Variants in MBOAT2 observed in about 807,000 individuals in gnomAD.
MBOAT2 encodes the protein membrane bound glycerophospholipid O-acyltransferase 2, also known as membrane-bound glycerophospholipid O-acyltransferase 2.
Under a neutral mutation model 63.4 loss-of-function variants are expected in MBOAT2, and 28 were observed. The observed-to-expected ratio is 0.44, with a 90% confidence interval of 0.33 to 0.61. MBOAT2 has a LOEUF of 0.61. Ranked by LOEUF, MBOAT2 falls within the 20% of genes least tolerant of loss-of-function variation. The pLI is 0.03. For synonymous variants in MBOAT2, 211 were observed against 215.6 expected, an observed-to-expected ratio of 0.98 and a Z score of 0.19; for missense variants, 470 against 605.8, an observed-to-expected ratio of 0.78 and a Z score of 2.35.
chr2:8,995,099 CAGAG>C (rs1216148855), intron 1 of MBOAT2, among the ~76,000 whole-genome samples: 1 of 152,210 alleles, frequency 6.6e-6, no homozygotes, highest in Non-Finnish European at 1.5e-5. Flanking sequence ...CCCCATCAGA[CAGAG>C]ACTTTCAAAG....
intron 8 of MBOAT2, 27 bp from the exon 9 acceptor site, chr2:8,868,576 T>C (rs760678432): frequency 1.3e-6 from 2 of 1,554,580 alleles, no homozygotes; most frequent in Non-Finnish European, 1.8e-6. Context: ...TAGAAAAAAG[T>C]ATTAAGAATC....
rs771313429 is a variant in MBOAT2 at position 8,977,221 on chromosome 2, ATT to A, written c.76-18581_76-18580del. ...CTTATACCTCAATAAAGCTGTTTAA[ATT>A]TTTTTTTAATAAAAATAAGTTCACA... On this transcript the variant is annotated intron_variant, in intron 1 of 12. Transcript: ENST00000305997. 1.2e-4 allele frequency among the ~76,000 whole-genome samples: 18 copies of A among 151,832 alleles called. No homozygotes were observed. In the South Asian group the frequency reaches 1.2e-3, roughly 11 times the overall value.
chr2:8,987,867 T>C (rs921499134), intron 1 of MBOAT2, among the ~76,000 whole-genome samples: 3 of 152,152 alleles, frequency 2.0e-5, no homozygotes, highest in South Asian at 2.1e-4. Context: ...GACTGAAGGG[T>C]AATGGGTGAT....
chr2:8,973,714 C>T (rs1456295825), intron 1 of MBOAT2, among the ~76,000 whole-genome samples: 1 of 151,970 alleles, frequency 6.6e-6, no homozygotes, highest in Admixed American at 6.6e-5. Flanking sequence ...TGATTCATTC[C>T]TAAGAAAAGA....
At chr2:8,978,308 T>C (rs9287702) in intron 1 of MBOAT2, among the ~76,000 whole-genome samples, 16,232 of 152,084 alleles carry the variant, frequency 0.11, 1,044 homozygotes, top group African/African-American at 0.18. Context: ...CATTCACAAC[T>C]CAAATAACAT....
intron 1 of MBOAT2, among the ~76,000 whole-genome samples, chr2:8,980,495 C>G (rs778802499): frequency 1.3e-5 from 2 of 152,086 alleles, no homozygotes; most frequent in African/African-American, 4.8e-5. Flanking sequence ...GAAAAACAAG[C>G]AAACATCCAC....
intron 9 of MBOAT2, among the ~76,000 whole-genome samples, chr2:8,868,181 C>G: frequency 6.6e-6 from 1 of 152,204 alleles, no homozygotes. Context: ...TGCCTTACCC[C>G]TCTCTGATCA....
chr2:8,984,562 C>G (rs933328768), intron 1 of MBOAT2, among the ~76,000 whole-genome samples: 1 of 152,000 alleles, frequency 6.6e-6, no homozygotes, highest in Non-Finnish European at 1.5e-5. Flanking sequence ...TCATCATCCT[C>G]TAAAAGCATA....
chr2:8,930,271 C>A (rs1667223590), intron 3 of MBOAT2, among the ~76,000 whole-genome samples: 1 of 152,198 alleles, frequency 6.6e-6, no homozygotes, highest in Non-Finnish European at 1.5e-5. Context: ...AAACGGTGAT[C>A]AAAAAATCTA....
At chr2:8,994,171 A>G (rs2103369845) in intron 1 of MBOAT2, among the ~76,000 whole-genome samples, 1 of 152,314 alleles carries the variant, frequency 6.6e-6, no homozygotes, top group East Asian at 1.9e-4. Flanking sequence ...CAGACGGGAC[A>G]CAAAGATGAG....
chr2:8,893,953 G>T (rs1047069567), intron 4 of MBOAT2, among the ~76,000 whole-genome samples: 1 of 151,978 alleles, frequency 6.6e-6, no homozygotes, highest in African/African-American at 2.4e-5. Flanking sequence ...GGAAAACACT[G>T]CATTTTTTTT....
chr2:8,891,164 G>A (rs1404607894), intron 4 of MBOAT2, among the ~76,000 whole-genome samples: 2 of 152,220 alleles, frequency 1.3e-5, no homozygotes, highest in East Asian at 1.9e-4. Context: ...TTAAGTGGAT[G>A]GCAGTCCCAA....
intron 2 of MBOAT2, among the ~76,000 whole-genome samples, chr2:8,952,775 A>C (rs1668936668): frequency 1.4e-5 from 2 of 146,112 alleles, no homozygotes; most frequent in Non-Finnish European, 3.0e-5. Context: ...GTTTTATCAT[A>C]TATAAGAATA....
At chr2:8,893,074 G>A (rs1247355309) in intron 4 of MBOAT2, among the ~76,000 whole-genome samples, 2 of 130,738 alleles carry the variant, frequency 1.5e-5, no homozygotes, top group Admixed American at 1.5e-4. Flanking sequence ...AGGGGGTGGG[G>A]GAGGAGGCAG....
intron 3 of MBOAT2, among the ~76,000 whole-genome samples, chr2:8,927,528 G>A (rs1274479066): frequency 2.6e-5 from 4 of 152,174 alleles, no homozygotes; most frequent in East Asian, 1.9e-4. Context: ...GTCGAGTTGC[G>A]TTTCTCTCAA....
chr2:8,874,202 T>G (rs570953241), intron 7 of MBOAT2, among the ~76,000 whole-genome samples: 23 of 152,322 alleles, frequency 1.5e-4, no homozygotes, highest in Non-Finnish European at 3.2e-4. Context: ...CCAAAGCATA[T>G]GCCGGATGCA....
intron 5 of MBOAT2, among the ~76,000 whole-genome samples, chr2:8,886,896 T>C (rs1336874452): frequency 6.6e-6 from 1 of 152,216 alleles, no homozygotes; most frequent in Non-Finnish European, 1.5e-5. Flanking sequence ...TGTTTCCTAG[T>C]GTAAGTTTTA....
chr2:8,924,484 G>A (rs1156606723), intron 3 of MBOAT2, among the ~76,000 whole-genome samples: 2 of 152,154 alleles, frequency 1.3e-5, no homozygotes, highest in Admixed American at 6.5e-5. Flanking sequence ...GGAACAAAGG[G>A]ATCTGAATGA....
chr2:8,876,709 AAAGGGGGAAGGGGG>A (rs770460908), intron 7 of MBOAT2, among the ~76,000 whole-genome samples: 1 of 147,188 alleles, frequency 6.8e-6, no homozygotes, highest in Admixed American at 6.8e-5. Context: ...GAAGGGAAGG[AAAGGGGGAAGGGGG>A]AAGGGGGAAG....
Sources: gnomAD v4.1 joint callset for allele counts (sites outside exome capture counted in the v4.1 genomes callset) on GRCh38, gnomAD v4.1.1 for gene constraint, MANE v1.5 for transcripts, NCBI Gene and HGNC (gene_info 2026-07-23, HGNC 2026-07-21) for gene names.